KIAA0825: variants seen among roughly 807,000 people sequenced by gnomAD.
KIAA0825 encodes the protein KIAA0825, also known as uncharacterized protein KIAA0825.
A neutral mutation model predicts 147.6 loss-of-function variants in KIAA0825; 119 were observed. That is an observed-to-expected ratio of 0.81 (90% CI 0.69 to 0.94). The LOEUF is 0.94. Among genes scored for constraint, KIAA0825 ranks in the 40% least tolerant of loss-of-function variants. The probability of loss-of-function intolerance (pLI) is 0.00; values close to 1 mark genes in which losing one functional copy is unlikely to be tolerated. For missense variants in KIAA0825, 1,381 were observed against 1,472.7 expected, an observed-to-expected ratio of 0.94 and a Z score of 1.02; for synonymous variants, 470 against 518.1, an observed-to-expected ratio of 0.91 and a Z score of 1.26.
At chr5:94,559,009 T>C (rs1484689809) in intron 2 of KIAA0825, among the ~76,000 whole-genome samples, 1 of 152,200 alleles carries the variant, frequency 6.6e-6, no homozygotes, top group Non-Finnish European at 1.5e-5. Context: ...TCTGTTTCCT[T>C]AGGTCTTCAT....
intron 10 of KIAA0825, among the ~76,000 whole-genome samples, chr5:94,468,610 C>G (rs1275754328): frequency 6.6e-6 from 1 of 152,120 alleles, no homozygotes; most frequent in African/African-American, 2.4e-5. Context: ...CTGGGAAGGG[C>G]CTCTAAAGGA....
At chr5:94,458,507 G>A (rs1308979779) in intron 12 of KIAA0825, among the ~76,000 whole-genome samples, 4 of 152,152 alleles carry the variant, frequency 2.6e-5, no homozygotes, top group African/African-American at 9.7e-5. Context: ...CCAGGAACCA[G>A]CCAGTCGAAT....
rs1227957422 is a variant in KIAA0825, at chr5:94,386,412, G to T, written c.3457-8C>A. ...CTGTTCTTTTAAATATTCCTTCAAA[G>T]AAAAGAAATTACAAGTTGTGACGGT... On this transcript the variant is annotated splice_polypyrimidine_tract_variant and splice_region_variant and intron_variant, in intron 18 of 20. Coordinates refer to ENST00000682413, the MANE Select transcript of KIAA0825 (RefSeq NM_001145678.3). The T allele has an allele frequency of 6.5e-7, 1 of 1,539,918 alleles. No individual in the cohort carries two copies. Among genetic ancestry groups the T allele is most frequent in the Admixed American group, 2.1e-5 (1 of 47,976 alleles).
At chr5:94,206,324 A>G (rs916841759) in intron 20 of KIAA0825, among the ~76,000 whole-genome samples, 3 of 151,992 alleles carry the variant, frequency 2.0e-5, no homozygotes, top group African/African-American at 7.2e-5. Context: ...ATTGTTTTCT[A>G]GAGGCTGTGT....
At chr5:94,178,555 CTT>C (rs1333524230) in intron 20 of KIAA0825, among the ~76,000 whole-genome samples, 1 of 151,812 alleles carries the variant, frequency 6.6e-6, no homozygotes, top group Non-Finnish European at 1.5e-5. Flanking sequence ...TACAGTATGA[CTT>C]TAAATAATTT....
intron 13 of KIAA0825, among the ~76,000 whole-genome samples, chr5:94,443,350 G>GTA (rs764075741): frequency 4.6e-3 from 580 of 125,418 alleles, no homozygotes; most frequent in African/African-American, 0.012. Flanking sequence ...ATATATATAT[G>GTA]TATATATATA....
At chr5:94,255,977 G>A (rs944084879) in intron 20 of KIAA0825, among the ~76,000 whole-genome samples, 1 of 151,882 alleles carries the variant, frequency 6.6e-6, no homozygotes, top group East Asian at 1.9e-4. Context: ...GCCTCCCAAA[G>A]TATTGGGATT....
intron 2 of KIAA0825, among the ~76,000 whole-genome samples, chr5:94,573,102 C>T (rs4869215): frequency 0.39 from 43,085 of 109,616 alleles, 7,115 homozygotes; most frequent in Middle Eastern, 0.49. Context: ...TTCAGAAAAG[C>T]GGGACAACTC....
chr5:94,524,013 C>T lies in KIAA0825; in HGVS notation c.217G>A (p.Glu73Lys). The T allele has an allele frequency of 6.2e-7, 1 of 1,610,106 alleles. No homozygotes were observed. ...VQLQTTTDCFEWLTNYNYSTS... is the reference protein window; with the variant it reads ...VQLQTTTDCFKWLTNYNYSTS... ...CTGTAATTATAGTTAGTTAGCCATT[C>T]AAAGCAGTCAGTTGTTGTTTGCAGC... Residue 73 changes from glutamate (E) to lysine (K), a missense_variant, in exon 4 of 21, where the codon GAA (glutamate) becomes AAA (lysine). Physicochemically the swap from Glu to Lys is moderately conservative, Grantham distance 56. Coordinates refer to ENST00000682413, the MANE Select transcript of KIAA0825 (RefSeq NM_001145678.3).
chr5:94,259,786 T>A (rs576248480), intron 20 of KIAA0825, among the ~76,000 whole-genome samples: 1 of 151,908 alleles, frequency 6.6e-6, no homozygotes, highest in African/African-American at 2.4e-5. Flanking sequence ...ATTTATATTA[T>A]CTTTAAAAAT....
chr5:94,504,367 T>C (rs1377076025), intron 5 of KIAA0825, among the ~76,000 whole-genome samples: 1 of 152,178 alleles, frequency 6.6e-6, no homozygotes. Flanking sequence ...AAAGCAGCCA[T>C]GATAGTTGCT....
intron 20 of KIAA0825, among the ~76,000 whole-genome samples, chr5:94,279,198 T>G (rs1240253007): frequency 2.6e-5 from 4 of 152,118 alleles, no homozygotes; most frequent in Non-Finnish European, 5.9e-5. Flanking sequence ...TTATGTGGTA[T>G]ATAATATCTA....
At chr5:94,416,758 C>T (rs1753524125) in intron 15 of KIAA0825, 1 of 162,288 alleles carries the variant, frequency 6.2e-6, no homozygotes, top group African/African-American at 2.4e-5. Context: ...TGTAGAGAGA[C>T]ACACTATGGT....
intron 20 of KIAA0825, among the ~76,000 whole-genome samples, chr5:94,364,055 G>A (rs1278001220): frequency 6.6e-6 from 1 of 151,896 alleles, no homozygotes; most frequent in Non-Finnish European, 1.5e-5. Context: ...TGACAAGCAG[G>A]AAAAGCACGA....
intron 1 of KIAA0825, among the ~76,000 whole-genome samples, chr5:94,595,876 T>C (rs909831866): frequency 6.6e-6 from 1 of 152,110 alleles, no homozygotes; most frequent in African/African-American, 2.4e-5. Context: ...GTTCAACAAA[T>C]CTCCAGGGCA....
intron 16 of KIAA0825, among the ~76,000 whole-genome samples, chr5:94,402,878 A>T (rs1751571138): frequency 6.6e-6 from 1 of 152,094 alleles, no homozygotes; most frequent in African/African-American, 2.4e-5. Context: ...ATACATACAA[A>T]GGAATCTTGT....
At chr5:94,246,964 C>T (rs946696231) in intron 20 of KIAA0825, among the ~76,000 whole-genome samples, 1 of 152,158 alleles carries the variant, frequency 6.6e-6, no homozygotes, top group African/African-American at 2.4e-5. Context: ...GGAATTTGGT[C>T]GTTTCTCTTC....
chr5:94,159,505 T>G (rs1451611424), intron 20 of KIAA0825, among the ~76,000 whole-genome samples: 2 of 152,204 alleles, frequency 1.3e-5, no homozygotes, highest in African/African-American at 4.8e-5. Context: ...ACGTTCTGTG[T>G]CTTTCACATT....
intron 20 of KIAA0825, among the ~76,000 whole-genome samples, chr5:94,218,078 C>T (rs1773359479): frequency 6.6e-6 from 1 of 152,062 alleles, no homozygotes; most frequent in South Asian, 2.1e-4. Context: ...AAATGAAATA[C>T]CATTAGTAAC....
Sources: gnomAD v4.1 joint callset for allele counts (sites outside exome capture counted in the v4.1 genomes callset) on GRCh38, gnomAD v4.1.1 for gene constraint, MANE v1.5 for transcripts, NCBI Gene and HGNC (gene_info 2026-07-23, HGNC 2026-07-21) for gene names.